The following SMYD3 variants were observed in gnomAD, a reference collection of about 807,000 sequenced individuals.
SMYD3 encodes histone-lysine N-methyltransferase SMYD3.
A neutral mutation model predicts 57.7 loss-of-function variants in SMYD3; 36 were observed. That is an observed-to-expected ratio of 0.62 (90% CI 0.48 to 0.82). The LOEUF is 0.82. SMYD3 is among the 40% of genes least tolerant of loss of function. The pLI is 0.00. For missense variants in SMYD3, 515 were observed against 538.8 expected (o/e 0.96, Z 0.44); for synonymous variants, 211 against 195.0 (o/e 1.08, Z -0.68).
At chr1:246,459,230 C>A (rs993975264) in intron 1 of SMYD3, among the ~76,000 whole-genome samples, 1 of 151,524 alleles carries the variant, frequency 6.6e-6, no homozygotes, top group Non-Finnish European at 1.5e-5. Context: ...TGACACGTCC[C>A]CCTTCACTCT....
intron 10 of SMYD3, among the ~76,000 whole-genome samples, chr1:245,798,407 T>TACACACACACACACATACACACACAAAC (rs1402299710): frequency 8.6e-4 from 14 of 16,318 alleles, no homozygotes; most frequent in Admixed American, 1.4e-3. Context: ...CACACACACA[T>TACACACACACACACATACACACACAAAC]ACACACACAT....
chr1:245,817,437 A>G (rs1004150412), intron 10 of SMYD3, among the ~76,000 whole-genome samples: 26 of 150,104 alleles, frequency 1.7e-4, no homozygotes, highest in Admixed American at 1.3e-4. Flanking sequence ...TAAAACCACA[A>G]AGATGGGGAA....
intron 5 of SMYD3, among the ~76,000 whole-genome samples, chr1:246,222,628 TAAG>T (rs768765526): frequency 2.0e-5 from 3 of 152,138 alleles, no homozygotes; most frequent in Non-Finnish European, 4.4e-5. Context: ...TCCTCCTTGA[TAAG>T]AAGAAGTCAA....
chr1:246,505,178 T>A (rs1265802403), intron 1 of SMYD3, among the ~76,000 whole-genome samples: 1 of 152,232 alleles, frequency 6.6e-6, no homozygotes, highest in East Asian at 1.9e-4. Context: ...TTTACTTATA[T>A]CCCTTTTTCT....
chr1:246,383,538 T>G (rs567459253), intron 1 of SMYD3, among the ~76,000 whole-genome samples: 2 of 152,360 alleles, frequency 1.3e-5, no homozygotes, highest in African/African-American at 4.8e-5. Flanking sequence ...GAAATGGAAT[T>G]ACAGACAATT....
chr1:245,903,262 A>G (rs1196036806), intron 8 of SMYD3, among the ~76,000 whole-genome samples: 3 of 152,228 alleles, frequency 2.0e-5, no homozygotes, highest in Non-Finnish European at 4.4e-5. Flanking sequence ...TTGAAGGCAG[A>G]GCTTTTGAAA....
chr1:245,764,518 T>C (rs1027268856), intron 10 of SMYD3, among the ~76,000 whole-genome samples: 3 of 152,122 alleles, frequency 2.0e-5, no homozygotes, highest in South Asian at 2.1e-4. Flanking sequence ...GCATCAGCAC[T>C]AGCACAGCCC....
At chr1:246,221,802 G>A (rs912120908) in intron 5 of SMYD3, among the ~76,000 whole-genome samples, 2 of 152,118 alleles carry the variant, frequency 1.3e-5, no homozygotes, top group Admixed American at 6.5e-5. Flanking sequence ...CGGGATCCAG[G>A]CTGGTAGCAT....
At chr1:245,922,820 T>A (rs1050834206) in intron 7 of SMYD3, among the ~76,000 whole-genome samples, 1 of 152,166 alleles carries the variant, frequency 6.6e-6, no homozygotes, top group Non-Finnish European at 1.5e-5. Context: ...ACAAATCATT[T>A]CCCAGTTTAA....
intron 5 of SMYD3, among the ~76,000 whole-genome samples, chr1:245,949,850 C>T (rs955887912): frequency 3.2e-5 from 4 of 124,892 alleles, no homozygotes; most frequent in Non-Finnish European, 6.7e-5. Flanking sequence ...ACCCAACCAA[C>T]CAAGAAACAA....
intron 5 of SMYD3, among the ~76,000 whole-genome samples, chr1:246,148,535 C>G (rs2061892617): frequency 6.6e-6 from 1 of 152,126 alleles, no homozygotes; most frequent in Admixed American, 6.5e-5. Flanking sequence ...CAAAAACGGG[C>G]AAAGGTGCCA....
chr1:246,096,361 G>C (rs1004256188), intron 5 of SMYD3: 1 of 152,200 alleles, frequency 6.6e-6, no homozygotes, highest in Non-Finnish European at 1.5e-5. Flanking sequence ...GGGCAGCTGT[G>C]GGCTCGCAGA....
intron 8 of SMYD3, among the ~76,000 whole-genome samples, chr1:245,893,663 T>C (rs1572612344): frequency 6.6e-6 from 1 of 152,046 alleles, no homozygotes; most frequent in Non-Finnish European, 1.5e-5. Context: ...GAAAGAAGAT[T>C]TGGGTTAGCA....
At chr1:245,785,680 A>G (rs1453370175) in intron 10 of SMYD3, among the ~76,000 whole-genome samples, 1 of 151,870 alleles carries the variant, frequency 6.6e-6, no homozygotes, top group Non-Finnish European at 1.5e-5. Flanking sequence ...AGAGTGAGAA[A>G]GCGAGCAAGA....
intron 5 of SMYD3, among the ~76,000 whole-genome samples, chr1:246,193,210 C>T (rs950170128): frequency 1.3e-5 from 2 of 151,992 alleles, no homozygotes; most frequent in Non-Finnish European, 2.9e-5. Flanking sequence ...TTAGGGACAA[C>T]CTGAGAGCCA....
intron 5 of SMYD3, among the ~76,000 whole-genome samples, chr1:246,049,463 ATTT>A (rs35899131): frequency 7.0e-6 from 1 of 142,864 alleles, no homozygotes; most frequent in Non-Finnish European, 1.5e-5. Flanking sequence ...CGCCTGGCTA[ATTT>A]TTTTTTTTTT....
chr1:245,852,651 C>G (rs578035294), intron 10 of SMYD3, among the ~76,000 whole-genome samples: 2 of 152,266 alleles, frequency 1.3e-5, no homozygotes, highest in East Asian at 3.9e-4. Context: ...TATCTTCTTT[C>G]CTTCTTCTTC....
At position 246,410,423 on chromosome 1, in the gene SMYD3, G is replaced by C. The variant is rs575679437; in HGVS notation, c.165-55329C>G. 2.7e-3 allele frequency among the ~76,000 whole-genome samples: 407 copies of C among 152,304 alleles called. 2 individuals are homozygous for C. Among genetic ancestry groups the C allele is most frequent in the Non-Finnish European group, 1.9e-3 (128 of 68,028 alleles). On this transcript the variant is annotated intron_variant, in intron 1 of 11. Coordinates refer to ENST00000490107, the MANE Select transcript of SMYD3 (RefSeq NM_001167740.2). ...CAAAGGCCTTTTCTGCATCTATTGA[G>C]ATAATCATGTGGTTTTTGTCTTTGG...
intron 5 of SMYD3, chr1:246,026,197 T>C (rs981222211): frequency 1.3e-5 from 2 of 152,118 alleles, no homozygotes; most frequent in African/African-American, 4.8e-5. Flanking sequence ...AGAAAAAAAG[T>C]TTCTCTTTCT....
Sources: allele counts gnomAD v4.1 joint callset (sites outside exome capture counted in the v4.1 genomes callset), GRCh38; gene constraint gnomAD v4.1.1; transcripts MANE v1.5; gene names NCBI Gene and HGNC (gene_info 2026-07-23, HGNC 2026-07-21).